The following CAD variants were observed in gnomAD, a reference collection of about 807,000 sequenced individuals.
CAD encodes multifunctional protein CAD.
Under a neutral mutation model 237.2 loss-of-function variants are expected in CAD, and 81 were observed. The ratio of observed to expected loss-of-function variants is 0.34; its 90% CI spans 0.29 to 0.41. The LOEUF (loss-of-function observed/expected upper bound fraction) is 0.41. Ranked by LOEUF, CAD falls within the 10% of genes least tolerant of loss-of-function variation. The pLI, the probability that CAD is intolerant of heterozygous loss-of-function variation, is 1.00. For missense variants in CAD, 2,181 were observed against 2,951.7 expected, an observed-to-expected ratio of 0.74 and a Z score of 6.05; for synonymous variants, 1,196 against 1,162.8, an observed-to-expected ratio of 1.03 and a Z score of -0.58.
At chr2:27,218,895 G>A (rs1675010739) in intron 2 of CAD, among the ~76,000 whole-genome samples, 1 of 152,190 alleles carries the variant, frequency 6.6e-6, no homozygotes, top group South Asian at 2.1e-4. Context: ...CCACCCTGAC[G>A]CTGGGGAGAG....
intron 2 of CAD, among the ~76,000 whole-genome samples, chr2:27,220,130 T>G (rs750264935): frequency 1.6e-4 from 25 of 152,212 alleles, no homozygotes; most frequent in Non-Finnish European, 2.2e-4. Flanking sequence ...TTTCTCAGCA[T>G]CTTTTGCAAT....
chr2:27,243,562 G>T lies in CAD; in HGVS notation c.*44G>T. 6.8e-7 allele frequency: 1 copy of T among 1,462,524 alleles called. No individual in the cohort carries two copies. The highest frequency in any genetic ancestry group is 2.4e-5 in the East Asian group (1 of 42,546). 90.6% of individuals were successfully genotyped at this position (1,462,524 alleles called of 1,614,324 possible). A position where few individuals can be genotyped will look rare whatever the true frequency, so the allele number is the denominator to read the frequency against. On this transcript the variant is annotated 3_prime_UTR_variant, in exon 44 of 44. Coordinates refer to ENST00000264705, the MANE Select transcript of CAD (RefSeq NM_004341.5). Reference sequence around the variant, plus strand: ...TCTTCTCTTTAGGCCCAGCTGCTGGGCAAGGAATTCCAGTGCCTCCTACGG... The same window carrying T: ...TCTTCTCTTTAGGCCCAGCTGCTGGTCAAGGAATTCCAGTGCCTCCTACGG...
chr2:27,225,888 T>C lies in CAD; in HGVS notation c.1804T>C (p.Tyr602His). Reference protein sequence around the residue: ...KSLKGWKEIEYEVVRDAYGNC... With the variant: ...KSLKGWKEIEHEVVRDAYGNC... ...TCTGAAGGGATGGAAGGAGATTGAGTACGAGGTGGTGAGAGACGCCTATGG... is the reference window on the plus strand; with the variant it reads ...TCTGAAGGGATGGAAGGAGATTGAGCACGAGGTGGTGAGAGACGCCTATGG... The change falls in exon 12 of 44, where the codon TAC becomes CAC. Residue 602 changes from tyrosine (Y) to histidine (H), a missense_variant. Transcript: ENST00000264705. 1.2e-6 allele frequency: 2 copies of C among 1,614,106 alleles called. No homozygotes were observed. The highest frequency in any genetic ancestry group is 8.5e-7 in the Non-Finnish European group (1 of 1,180,024).
At chr2:27,224,561 G>A (rs1675337408) in intron 9 of CAD, 71 bp downstream of exon 9, 1 of 1,578,084 alleles carries the variant, frequency 6.3e-7, no homozygotes, top group Non-Finnish European at 8.6e-7. Context: ...AAGGAGAAGG[G>A]CTAAGGTTGC....
At chr2:27,222,729 A>G (rs1177054495) in intron 5 of CAD, 69 bp downstream of exon 5, 8 of 1,592,336 alleles carry the variant, frequency 5.0e-6, no homozygotes, top group Admixed American at 1.7e-5. Context: ...CCTTGGTCCA[A>G]TTGCTAAAAG....
chr2:27,242,653 A>T lies in CAD; in HGVS notation c.6256A>T (p.Thr2086Ser). The change falls in exon 41 of 44, where the codon ACA becomes TCA. Residue 2086 changes from threonine (T) to serine (S), a missense_variant. Thr to Ser is a moderately conservative substitution (Grantham distance 58, BLOSUM62 1). Transcript: ENST00000264705. The surrounding 1 kb of genome is among the most constrained non-coding windows in gnomAD (Gnocchi z 6.4). ...GGTGGGTGACCTGAAGCACGGACGC[A>T]CAGTACATTCCCTGGCCTGCCTGCT... Reference protein sequence around the residue: ...TMVGDLKHGRTVHSLACLLTQ... With the variant: ...TMVGDLKHGRSVHSLACLLTQ... 1 of 1,610,700 alleles carries T rather than the reference A, an allele frequency of 6.2e-7. No individual in the cohort carries two copies. The highest frequency in any genetic ancestry group is 8.5e-7 in the Non-Finnish European group (1 of 1,177,512).
At position 27,242,499 on chromosome 2, in the gene CAD, C is replaced by T. The variant is rs569715737; in HGVS notation, c.6222+72C>T. Reference sequence around the variant, plus strand: ...AGAGGGAGGCAGGAAGTGGTTACCCCGGTACAGGACAGCTGCATCAAGGAG... The same window carrying T: ...AGAGGGAGGCAGGAAGTGGTTACCCTGGTACAGGACAGCTGCATCAAGGAG... On this transcript the variant is annotated intron_variant, in intron 40 of 43. Coordinates refer to ENST00000264705, the MANE Select transcript of CAD (RefSeq NM_004341.5). The surrounding 1 kb of genome is among the most constrained non-coding windows in gnomAD (Gnocchi z 6.4). 1.1e-5 allele frequency: 17 copies of T among 1,576,564 alleles called. No homozygotes were observed. Among genetic ancestry groups the T allele is most frequent in the African/African-American group, 1.3e-5 (1 of 74,130 alleles).
At position 27,226,255 on chromosome 2, in the gene CAD, C is replaced by T; in HGVS notation, c.1967C>T (p.Thr656Ile). The T allele has an allele frequency of 6.2e-7, 1 of 1,614,150 alleles. No homozygotes were observed. The highest frequency in any genetic ancestry group is 2.2e-5 in the East Asian group (1 of 44,880). Reference sequence around the variant, plus strand: ...CTGAGGCAGACAGCTATCAAGGTGACCCAGCACCTGGGAATTGTTGGGGAG... The same window carrying T: ...CTGAGGCAGACAGCTATCAAGGTGATCCAGCACCTGGGAATTGTTGGGGAG... ...QLLRQTAIKV[T>I]QHLGIVGECN... is the part of the protein sequence containing the mutation. The change falls in exon 13 of 44, where the codon ACC (threonine) becomes ATC (isoleucine). Residue 656 changes from threonine (T) to isoleucine (I), a missense_variant. Coordinates refer to ENST00000264705, the MANE Select transcript of CAD (RefSeq NM_004341.5).
Position 27,242,709 on chromosome 2 carries a change from G to A in CAD, c.6312G>A (p.Val2104=). The change falls in exon 41 of 44, where the codon GTG becomes GTA. Residue 2104 remains valine, a synonymous_variant. Transcript: ENST00000264705. This position sits in a 1 kb window ranked among gnomAD's most constrained non-coding sequence, Gnocchi z 6.4. ...LTQYRVSLRY[V]APPSLRMPPT... ...AGTATCGTGTCAGCCTGCGCTACGT[G>A]GCACCTCCCAGCCTGCGCATGCCAC... The A allele has an allele frequency of 6.2e-7, 1 of 1,614,142 alleles. No individual in the cohort carries two copies. The highest frequency in any genetic ancestry group is 1.3e-5 in the African/African-American group (1 of 75,062).
chr2:27,222,052 T>A (rs1675198161), intron 3 of CAD, 142 bp from the exon 4 acceptor site: 1 of 740,366 alleles, frequency 1.4e-6, no homozygotes, highest in Admixed American at 2.5e-5. Flanking sequence ...AGTATACTTC[T>A]GTCACAATGG....
chr2:27,222,125 C>T (rs950376025), intron 3 of CAD, 69 bp from the exon 4 acceptor site: 1 of 1,508,192 alleles, frequency 6.6e-7, no homozygotes, highest in Non-Finnish European at 9.1e-7. Flanking sequence ...GGAAGTGCTT[C>T]TGGAAGTCTA....
Position 27,241,770 on chromosome 2 carries a change from T to A in CAD, c.5884-141T>A. 1 of 659,802 alleles carries A rather than the reference T, an allele frequency of 1.5e-6. No individual in the cohort carries two copies. The highest frequency in any genetic ancestry group is 2.6e-6 in the Non-Finnish European group (1 of 378,556). 40.9% of individuals were successfully genotyped at this position (659,802 alleles called of 1,614,324 possible). ...ACACCAGTGGTGGAAACGTCAAGGCTCTGACAGGTCACAGGGGAGGTTTGG... is the reference window on the plus strand; with the variant it reads ...ACACCAGTGGTGGAAACGTCAAGGCACTGACAGGTCACAGGGGAGGTTTGG... On this transcript the variant is annotated intron_variant, in intron 38 of 43. Coordinates refer to ENST00000264705, the MANE Select transcript of CAD (RefSeq NM_004341.5). The surrounding 1 kb of genome is among the most constrained non-coding windows in gnomAD (Gnocchi z 4.6).
Position 27,236,916 on chromosome 2 carries a change from C to T in CAD, c.4396+86C>T. 9.0e-7 allele frequency: 1 copy of T among 1,112,540 alleles called. No homozygotes were observed. Among genetic ancestry groups the T allele is most frequent in the South Asian group, 1.2e-5 (1 of 80,618 alleles). 68.9% of individuals were successfully genotyped at this position (1,112,540 alleles called of 1,614,324 possible). A position where few individuals can be genotyped will look rare whatever the true frequency, so the allele number is the denominator to read the frequency against. On this transcript the variant is annotated intron_variant, in intron 27 of 43. Coordinates refer to ENST00000264705, the MANE Select transcript of CAD (RefSeq NM_004341.5). The surrounding 1 kb of genome is among the most constrained non-coding windows in gnomAD (Gnocchi z 4.1). ...AGTGTGGTGAAGGATGGCTGGGGGG[C>T]CCACTCTTTGTCCTGGACTGCACAG...
At chr2:27,238,351 A>G in intron 30 of CAD, 80 bp from the exon 31 acceptor site, 1 of 1,466,064 alleles carries the variant, frequency 6.8e-7, no homozygotes. Flanking sequence ...TTTTTTGAGC[A>G]GGGATGTTGG....
rs757764830 is a variant in CAD, at chr2:27,233,045, G to A, written c.2896G>A (p.Gly966Arg). Residue 966 changes from glycine to arginine, a missense_variant, in exon 19 of 44, where the codon GGA becomes AGA. Gly to Arg is a moderately radical substitution (Grantham distance 125). Around this residue, in one of 12 missense-constraint regions of CAD, gnomAD observed 385 missense variants for 535.1 expected, o/e 0.72. Transcript: ENST00000264705. This position sits in a 1 kb window ranked among gnomAD's most constrained non-coding sequence, Gnocchi z 6.3. Reference protein sequence around the residue: ...VGCIQQLRKMGYKTIMVNYNP... With the variant: ...VGCIQQLRKMRYKTIMVNYNP... ...ACCCTTCCCCTCCCTCTTGCAGATG[G>A]GATATAAGACCATCATGGTGAACTA... 7 of 1,604,904 alleles carry A rather than the reference G, an allele frequency of 4.4e-6. 1 individual carries two copies. In the South Asian group the frequency reaches 5.5e-5, roughly 13 times the overall value.
Position 27,222,999 on chromosome 2 carries a change from A to T in CAD, c.771A>T (p.Leu257=). ...TTGGGATCTGCCTGGGACACCAGCT[A>T]TTGGCCTTAGCCATTGGGGCCAAGA... ...PVFGICLGHQ[L]LALAIGAKTY... is the part of the protein sequence containing the mutation. The change falls in exon 6 of 44, where the codon CTA becomes CTT. Residue 257 remains leucine (L), a synonymous_variant. Transcript: ENST00000264705. 6.2e-7 allele frequency: 1 copy of T among 1,614,038 alleles called. No homozygotes were observed. Among genetic ancestry groups the T allele is most frequent in the Non-Finnish European group, 8.5e-7 (1 of 1,180,010 alleles).
rs756249018 is a variant in CAD, at chr2:27,239,382, G to A, written c.5305G>A (p.Ala1769Thr). ...TCCCAGCCACATGCCCTTCTCCAAG[G>A]CCCACTGGACACCTTTTGAAGGGCA... is the stretch of plus-strand genomic sequence containing the variant. ...TIPSHMPFSKAHWTPFEGQKV... is the reference protein window; with the variant it reads ...TIPSHMPFSKTHWTPFEGQKV... Residue 1769 changes from alanine to threonine, a missense_variant, in exon 33 of 44, where the codon GCC becomes ACC. Coordinates refer to ENST00000264705, the MANE Select transcript of CAD (RefSeq NM_004341.5). This position sits in a 1 kb window ranked among gnomAD's most constrained non-coding sequence, Gnocchi z 4.0. The A allele has an allele frequency of 9.9e-6, 16 of 1,613,916 alleles. No individual in the cohort carries two copies. The highest frequency in any genetic ancestry group is 1.3e-5 in the Non-Finnish European group (15 of 1,179,972).
rs62130680 is a variant in CAD at position 27,235,922 on chromosome 2, T to C, written c.4074+282T>C. ...ATCTCCTATTCCCCTGCTTTTATTA[T>C]TACCATTATACTAGTAAGCTATATT... On this transcript the variant is annotated intron_variant, in intron 25 of 43. Coordinates refer to ENST00000264705, the MANE Select transcript of CAD (RefSeq NM_004341.5). The surrounding 1 kb of genome is among the most constrained non-coding windows in gnomAD (Gnocchi z 5.2). The C allele has an allele frequency of 0.14, 66,803 of 478,450 alleles. 6,189 individuals are homozygous for C. The highest frequency in any genetic ancestry group is 0.32 in the Admixed American group (8,348 of 25,810). 29.6% of individuals were successfully genotyped at this position (478,450 alleles called of 1,614,324 possible). A position where few individuals can be genotyped will look rare whatever the true frequency, so the allele number is the denominator to read the frequency against.
chr2:27,231,619 G>T, intron 16 of CAD, 39 bp downstream of exon 16: 1 of 1,258,718 alleles, frequency 7.9e-7, no homozygotes, highest in South Asian at 1.2e-5. Flanking sequence ...CCCTAAAATA[G>T]ACCCTGCTTC....
Sources: gnomAD v4.1 joint callset for allele counts (sites outside exome capture counted in the v4.1 genomes callset) on GRCh38, gnomAD v4.1.1 for gene constraint, gnomAD v4.1.1 regional missense constraint, Gnocchi (gnomAD v3.1) non-coding constraint, MANE v1.5 for transcripts, NCBI Gene and HGNC (gene_info 2026-07-23, HGNC 2026-07-21) for gene names.